The following COL18A1 variants were observed in gnomAD, a reference collection of about 807,000 sequenced individuals.
The protein encoded by COL18A1 is collagen alpha-1(XVIII) chain.
COL18A1 carries 133 observed loss-of-function variants against 168.0 expected under a neutral mutation model. The ratio of observed to expected loss-of-function variants is 0.79; its 90% CI spans 0.69 to 0.91. The LOEUF is 0.91. Among genes scored for constraint, COL18A1 ranks in the 40% least tolerant of loss-of-function variants. The pLI is 0.00. For synonymous variants in COL18A1, 949 were observed against 809.0 expected (o/e 1.17, Z -2.94); for missense variants, 2,126 against 1,925.4 (o/e 1.10, Z -1.95).
At chr21:45,466,648 G>A (rs2035225531) in intron 2 of COL18A1, among the ~76,000 whole-genome samples, 1 of 152,218 alleles carries the variant, frequency 6.6e-6, no homozygotes, top group Admixed American at 6.5e-5. Context: ...GGCTTCTGAA[G>A]GGAGCCCCCA....
Position 45,488,453 on chromosome 21 carries a change from C to T in COL18A1, c.1923+9C>T, listed in dbSNP as rs766323450. ...GCCTGCCGGGACTTAAGGTCAGTGACGGATATGTCTGGGTTTCTGTGGTTG... is the reference window on the plus strand; with the variant it reads ...GCCTGCCGGGACTTAAGGTCAGTGATGGATATGTCTGGGTTTCTGTGGTTG... On this transcript the variant is annotated intron_variant, in intron 18 of 41. Coordinates refer to ENST00000651438, the MANE Select transcript of COL18A1 (RefSeq NM_001379500.1). 2.4e-5 allele frequency: 39 copies of T among 1,613,788 alleles called. No homozygotes were observed. The highest frequency in any genetic ancestry group is 1.6e-4 in the Middle Eastern group (1 of 6,084).
At chr21:45,444,670 C>G (rs1054657292) in intron 2 of COL18A1, among the ~76,000 whole-genome samples, 1 of 151,992 alleles carries the variant, frequency 6.6e-6, no homozygotes, top group African/African-American at 2.4e-5. Context: ...GGCTGTGAGC[C>G]AGGGAGGAAA....
At position 45,463,790 on chromosome 21, in the gene COL18A1, G is replaced by A. The variant is rs1158022584; in HGVS notation, c.107-4452G>A. Among the ~76,000 whole-genome samples, 5 of 152,120 alleles carry A rather than the reference G, an allele frequency of 3.3e-5. No homozygotes were observed. Among genetic ancestry groups the A allele is most frequent in the African/African-American group, 1.2e-4 (5 of 41,490 alleles). On this transcript the variant is annotated intron_variant, in intron 2 of 41. Transcript: ENST00000651438. This position sits in a 1 kb window ranked among gnomAD's most constrained non-coding sequence, Gnocchi z 4.0. ...TGCATGCCTGTAATCCTAGCTACTC[G>A]GGATGCTGAGGCAGGAGAACTGCTT...
At chr21:45,454,805 AC>A (rs1346033262) in intron 2 of COL18A1, among the ~76,000 whole-genome samples, 1 of 152,142 alleles carries the variant, frequency 6.6e-6, no homozygotes, top group African/African-American at 2.4e-5. Flanking sequence ...CCTTTTGTGG[AC>A]GGGGAGACTG....
intron 2 of COL18A1, among the ~76,000 whole-genome samples, chr21:45,432,577 A>G (rs2033992330): frequency 6.6e-6 from 1 of 152,162 alleles, no homozygotes; most frequent in African/African-American, 2.4e-5. Flanking sequence ...GAGTCCTAAC[A>G]TCTGCCGCAT....
chr21:45,489,489 G>GA lies in COL18A1; in HGVS notation c.1928dup (p.Asp643GlufsTer87). ...CGGAGCCCCTTTTTTCACTTAGGGG[G>GA]ATCCTGGCGTGCCTGGGCTGCCGGG... On this transcript the variant is annotated frameshift_variant, in exon 19 of 42. Coordinates refer to ENST00000651438, the MANE Select transcript of COL18A1 (RefSeq NM_001379500.1). LOFTEE classifies it high-confidence loss of function. 1 of 1,602,334 alleles carries GA rather than the reference G, an allele frequency of 6.2e-7. No homozygotes were observed.
rs1050175772 is a variant in COL18A1 at position 45,509,340 on chromosome 21, C to T, written c.3250-16C>T. The T allele has an allele frequency of 1.6e-5, 24 of 1,543,108 alleles. No individual in the cohort carries two copies. The highest frequency in any genetic ancestry group is 2.4e-5 in the East Asian group (1 of 41,020). On this transcript the variant is annotated splice_polypyrimidine_tract_variant and intron_variant, in intron 38 of 41. Transcript: ENST00000651438. Reference sequence around the variant, plus strand: ...AGGGTCCCCCCGCCGACAGGCCCCACGTCTCCCACCTGCAGGACAATGAAG... The same window carrying T: ...AGGGTCCCCCCGCCGACAGGCCCCATGTCTCCCACCTGCAGGACAATGAAG...
chr21:45,465,613 A>G (rs1398394355), intron 2 of COL18A1, among the ~76,000 whole-genome samples: 1 of 152,152 alleles, frequency 6.6e-6, no homozygotes, highest in Non-Finnish European at 1.5e-5. Flanking sequence ...AGAGCACTCC[A>G]TGTGGGCACG....
At chr21:45,415,613 G>A (rs981219878) in intron 2 of COL18A1, among the ~76,000 whole-genome samples, 5 of 152,240 alleles carry the variant, frequency 3.3e-5, no homozygotes, top group African/African-American at 7.2e-5. Flanking sequence ...GCAGGCGGCC[G>A]GGGCAGGCCC....
Position 45,480,740 on chromosome 21 carries a change from T to C in COL18A1, c.1493T>C (p.Val498Ala), listed in dbSNP as rs1236420710. Reference sequence around the variant, plus strand: ...CCTGGACCTCCCGGACCCCCCGGTGTCCCAGGCCTGCCCGGCGAGCCAGGC... The same window carrying C: ...CCTGGACCTCCCGGACCCCCCGGTGCCCCAGGCCTGCCCGGCGAGCCAGGC... ...GFPGPPGPPGVPGLPGEPGRF... is the reference protein window; with the variant it reads ...GFPGPPGPPGAPGLPGEPGRF... The change falls in exon 13 of 42, where the codon GTC becomes GCC. Residue 498 changes from valine (V) to alanine (A), a missense_variant. Coordinates refer to ENST00000651438, the MANE Select transcript of COL18A1 (RefSeq NM_001379500.1). 6.2e-7 allele frequency: 1 copy of C among 1,610,906 alleles called. No individual in the cohort carries two copies.
chr21:45,480,653 G>T, intron 12 of COL18A1, 47 bp from the exon 13 acceptor site: 1 of 1,611,294 alleles, frequency 6.2e-7, no homozygotes, highest in Non-Finnish European at 8.5e-7. Flanking sequence ...GGTCATCCCT[G>T]GTGGGTGCCA....
rs916536464 is a variant in COL18A1 at position 45,467,236 on chromosome 21, C to T, written c.107-1006C>T. ...AACGAGGTGTGAGAACTCTGGGCAC[C>T]GGGGCTGCGTCCTGGCTTGGGCTCC... On this transcript the variant is annotated intron_variant, in intron 2 of 41. Transcript: ENST00000651438. The T allele has an allele frequency of 3.2e-5, 32 of 985,340 alleles. No homozygotes were observed. In the African/African-American group the frequency reaches 3.8e-4, roughly 12 times the overall value. 61.0% of individuals were successfully genotyped at this position (985,340 alleles called of 1,614,324 possible). A position where few individuals can be genotyped will look rare whatever the true frequency, so the allele number is the denominator to read the frequency against.
chr21:45,408,719 C>T (rs2033196853), intron 2 of COL18A1, among the ~76,000 whole-genome samples: 1 of 152,210 alleles, frequency 6.6e-6, no homozygotes, highest in African/African-American at 2.4e-5. Flanking sequence ...CCACAACACC[C>T]TCCCACCCCC....
rs768113816 is a variant in COL18A1 at position 45,491,275 on chromosome 21, C to T, written c.2118C>T (p.Pro706=). The part of the protein sequence containing the change: ...GVGQPGLPGP[P]GPPGPVVYVS... ...GGCAGCCGGGCCTCCCTGGCCCCCC[C>T]GGACCCCCGGGACCTGTGGTCTACG... Residue 706 remains proline, a synonymous_variant, in exon 22 of 42, where the codon CCC becomes CCT. Coordinates refer to ENST00000651438, the MANE Select transcript of COL18A1 (RefSeq NM_001379500.1). 7.6e-5 allele frequency: 123 copies of T among 1,612,090 alleles called. No homozygotes were observed. Among genetic ancestry groups the T allele is most frequent in the Admixed American group, 6.7e-4 (40 of 59,970 alleles).
At chr21:45,487,331 A>G (rs951407536) in intron 16 of COL18A1, 116 bp from the exon 17 acceptor site, 1 of 1,236,272 alleles carries the variant, frequency 8.1e-7, no homozygotes, top group Non-Finnish European at 1.2e-6. Flanking sequence ...GCGGCTCCCC[A>G]GGCCACCGTG....
At chr21:45,438,925 G>T (rs2034293764) in intron 2 of COL18A1, among the ~76,000 whole-genome samples, 1 of 152,122 alleles carries the variant, frequency 6.6e-6, no homozygotes, top group Non-Finnish European at 1.5e-5. Context: ...GGGCCGGTGG[G>T]GGCCGAGGGG....
intron 2 of COL18A1, among the ~76,000 whole-genome samples, chr21:45,411,404 T>C (rs912424682): frequency 2.6e-5 from 4 of 152,128 alleles, no homozygotes; most frequent in Admixed American, 6.5e-5. Flanking sequence ...CCACTGTTCT[T>C]GGTCCACCCG....
intron 37 of COL18A1, 40 bp downstream of exon 37, chr21:45,506,006 G>T (rs1300989905): frequency 6.2e-7 from 1 of 1,612,262 alleles, no homozygotes; most frequent in Admixed American, 1.7e-5. Context: ...CCGTGGAAGG[G>T]CCGAAGCCGC....
intron 28 of COL18A1, 200 bp downstream of exon 28, chr21:45,495,115 G>A (rs2036486636): frequency 2.8e-5 from 18 of 650,612 alleles, no homozygotes; most frequent in Non-Finnish European, 4.9e-5. Flanking sequence ...CAGTACCCAG[G>A]AGGAAGCCCT....
Sources: gnomAD v4.1 joint callset for allele counts (sites outside exome capture counted in the v4.1 genomes callset) on GRCh38, gnomAD v4.1.1 for gene constraint, Gnocchi (gnomAD v3.1) non-coding constraint, MANE v1.5 for transcripts, NCBI Gene and HGNC (gene_info 2026-07-23, HGNC 2026-07-21) for gene names.